ASIC2: variants seen among roughly 807,000 people sequenced by gnomAD.
ASIC2 encodes acid sensing ion channel subunit 2.
A neutral mutation model predicts 57.3 loss-of-function variants in ASIC2; 25 were observed. That is an observed-to-expected ratio of 0.44 (90% CI 0.32 to 0.61). The LOEUF (loss-of-function observed/expected upper bound fraction) is 0.61. ASIC2 is among the 20% of genes least tolerant of loss of function. The pLI is 0.06. For missense variants in ASIC2, 641 were observed against 738.1 expected, an observed-to-expected ratio of 0.87 and a Z score of 1.52; for synonymous variants, 319 against 307.5, an observed-to-expected ratio of 1.04 and a Z score of -0.39.
chr17:33,102,987 GTTCGCCAGGA>G (rs1466808918), intron 2 of ASIC2, among the ~76,000 whole-genome samples: 4 of 152,134 alleles, frequency 2.6e-5, no homozygotes, highest in Admixed American at 2.6e-4. Flanking sequence ...GTTTCACCAT[GTTCGCCAGGA>G]TGGTCTTGAT....
At chr17:33,817,376 C>T (rs1350672989) in intron 1 of ASIC2, among the ~76,000 whole-genome samples, 1 of 152,154 alleles carries the variant, frequency 6.6e-6, no homozygotes, top group African/African-American at 2.4e-5. Context: ...TGAGTTCTGC[C>T]TTGCCTTTGT....
chr17:34,099,267 G>C (rs1424519411), intron 1 of ASIC2, among the ~76,000 whole-genome samples: 1 of 137,096 alleles, frequency 7.3e-6, no homozygotes, highest in South Asian at 2.3e-4. Context: ...GGAAAAGAAA[G>C]AAAGAGGAAA....
intron 1 of ASIC2, among the ~76,000 whole-genome samples, chr17:33,669,377 AC>A (rs1294481601): frequency 1.3e-5 from 2 of 152,152 alleles, no homozygotes; most frequent in African/African-American, 4.8e-5. Flanking sequence ...AAGTCAGCAG[AC>A]CCAAAACAGA....
intron 1 of ASIC2, among the ~76,000 whole-genome samples, chr17:33,664,713 A>G (rs1373673515): frequency 6.6e-6 from 1 of 152,216 alleles, no homozygotes; most frequent in African/African-American, 2.4e-5. Flanking sequence ...ACTTGCAGAT[A>G]CATTGTGATG....
chr17:33,052,497 T>TAGG (rs1464713079), intron 3 of ASIC2: 1 of 152,162 alleles, frequency 6.6e-6, no homozygotes, highest in Non-Finnish European at 1.5e-5. Flanking sequence ...AGCCATCTAT[T>TAGG]AGGAGGAGCA....
intron 1 of ASIC2, among the ~76,000 whole-genome samples, chr17:33,238,628 C>T (rs1200053721): frequency 6.6e-6 from 1 of 152,198 alleles, no homozygotes; most frequent in Non-Finnish European, 1.5e-5. Context: ...CTGAACACAC[C>T]GGGCCCACTC....
chr17:33,975,529 C>T (rs1020280782), intron 1 of ASIC2, among the ~76,000 whole-genome samples: 4 of 152,216 alleles, frequency 2.6e-5, no homozygotes, highest in African/African-American at 9.6e-5. Context: ...CTCAGTGGGC[C>T]AGGACCTGAA....
intron 3 of ASIC2, among the ~76,000 whole-genome samples, chr17:33,041,139 G>T (rs2091928462): frequency 6.6e-6 from 1 of 152,142 alleles, no homozygotes; most frequent in Non-Finnish European, 1.5e-5. Flanking sequence ...CAGCTGAGGG[G>T]TGGTGGGAAG....
chr17:33,142,461 T>C (rs1904355050), intron 1 of ASIC2, among the ~76,000 whole-genome samples: 1 of 152,232 alleles, frequency 6.6e-6, no homozygotes, highest in African/African-American at 2.4e-5. Context: ...AGCTGTATTC[T>C]TTTATAAAGG....
At chr17:33,600,682 T>C (rs1204188140) in intron 1 of ASIC2, among the ~76,000 whole-genome samples, 7 of 152,148 alleles carry the variant, frequency 4.6e-5, no homozygotes, top group African/African-American at 7.2e-5. Flanking sequence ...TATAAATAAC[T>C]ACCACATGCT....
At chr17:33,846,076 A>C (rs1210211168) in intron 1 of ASIC2, among the ~76,000 whole-genome samples, 1 of 152,212 alleles carries the variant, frequency 6.6e-6, no homozygotes, top group Non-Finnish European at 1.5e-5. Context: ...GAAATGTCCA[A>C]AGGGAGGAGA....
intron 1 of ASIC2, among the ~76,000 whole-genome samples, chr17:33,238,790 G>A (rs1000027663): frequency 6.6e-6 from 1 of 152,166 alleles, no homozygotes; most frequent in African/African-American, 2.4e-5. Context: ...AATCACTTGA[G>A]ATCAGGAGTT....
chr17:33,260,113 T>C (rs568072437), intron 1 of ASIC2, among the ~76,000 whole-genome samples: 1 of 152,244 alleles, frequency 6.6e-6, no homozygotes, highest in Admixed American at 6.5e-5. Flanking sequence ...CACTCCAGCC[T>C]GGGCAGCAAA....
intron 1 of ASIC2, among the ~76,000 whole-genome samples, chr17:33,943,692 T>TAAAAAA (rs3071252): frequency 8.3e-6 from 1 of 119,798 alleles, no homozygotes. Context: ...ATGATAATAG[T>TAAAAAA]AAAAAAAAAA....
intron 1 of ASIC2, among the ~76,000 whole-genome samples, chr17:33,393,559 G>A (rs923567928): frequency 6.6e-6 from 1 of 152,080 alleles, no homozygotes; most frequent in African/African-American, 2.4e-5. Flanking sequence ...TTCAACCATC[G>A]ACTAGTTGTG....
At chr17:34,098,650 C>A (rs535130885) in intron 1 of ASIC2, among the ~76,000 whole-genome samples, 1 of 152,174 alleles carries the variant, frequency 6.6e-6, no homozygotes, top group African/African-American at 2.4e-5. Flanking sequence ...ATCTGCAACA[C>A]CTCAAAGAAA....
chr17:33,709,149 T>C (rs1427393494), intron 1 of ASIC2, among the ~76,000 whole-genome samples: 1 of 152,170 alleles, frequency 6.6e-6, no homozygotes, highest in African/African-American at 2.4e-5. Flanking sequence ...AAGTCATAAC[T>C]CTGTAACGCC....
At chr17:33,776,667 G>A (rs1057157437) in intron 1 of ASIC2, among the ~76,000 whole-genome samples, 3 of 152,110 alleles carry the variant, frequency 2.0e-5, no homozygotes, top group African/African-American at 4.8e-5. Flanking sequence ...ACACACAAAG[G>A]CCGGGGGGTC....
chr17:34,073,982 C>A (rs1598008663), intron 1 of ASIC2, among the ~76,000 whole-genome samples: 1 of 152,308 alleles, frequency 6.6e-6, no homozygotes, highest in Non-Finnish European at 1.5e-5. Flanking sequence ...GCACATGCAG[C>A]CAATATACGG....
Sources: allele counts gnomAD v4.1 joint callset (sites outside exome capture counted in the v4.1 genomes callset), GRCh38; gene constraint gnomAD v4.1.1; transcripts MANE v1.5; gene names NCBI Gene and HGNC (gene_info 2026-07-23, HGNC 2026-07-21).